The following PRMT2 variants were observed in gnomAD, a reference collection of about 807,000 sequenced individuals.
PRMT2 encodes the protein protein arginine N-methyltransferase 2.
A neutral mutation model predicts 57.6 loss-of-function variants in PRMT2; 26 were observed. That is an observed-to-expected ratio of 0.45 (90% CI 0.33 to 0.63). The LOEUF is 0.63. Among genes scored for constraint, PRMT2 ranks in the 20% least tolerant of loss-of-function variants. The pLI is 0.02. For missense variants in PRMT2, 472 were observed against 564.4 expected, an observed-to-expected ratio of 0.84 and a Z score of 1.66; for synonymous variants, 219 against 220.0, an observed-to-expected ratio of 1.00 and a Z score of 0.04.
At chr21:46,656,439 T>C (rs764518830) in intron 7 of PRMT2, among the ~76,000 whole-genome samples, 1 of 152,218 alleles carries the variant, frequency 6.6e-6, no homozygotes, top group Admixed American at 6.5e-5. Flanking sequence ...GGAGGAACTA[T>C]ACTACTTGAT....
At chr21:46,641,805 G>A (rs558130182) in intron 3 of PRMT2, among the ~76,000 whole-genome samples, 3 of 151,960 alleles carry the variant, frequency 2.0e-5, no homozygotes, top group Admixed American at 6.6e-5. Context: ...GTGGAAGGCC[G>A]CACACCGGGG....
chr21:46,644,367 G>T lies in PRMT2; in HGVS notation c.206G>T (p.Trp69Leu). 1 of 1,612,938 alleles carries T rather than the reference G, an allele frequency of 6.2e-7. No homozygotes were observed. The highest frequency in any genetic ancestry group is 8.5e-7 in the Non-Finnish European group (1 of 1,179,548). Reference sequence around the variant, plus strand: ...AGACAAACCACTGCAGATTGGTGGTGGGGTGAGCGTGCGGGCTGCTGTGGG... The same window carrying T: ...AGACAAACCACTGCAGATTGGTGGTTGGGTGAGCGTGCGGGCTGCTGTGGG... ...ILRQTTADWW[W>L]GERAGCCGYI... is the part of the protein sequence containing the mutation. Residue 69 changes from tryptophan (W) to leucine (L), a missense_variant, in exon 5 of 12, where the codon TGG becomes TTG. Trp to Leu is a moderately conservative substitution (Grantham distance 61, BLOSUM62 -2). Coordinates refer to ENST00000355680, the MANE Select transcript of PRMT2 (RefSeq NM_206962.4).
At chr21:46,641,133 A>AAAT (rs2061266404) in intron 3 of PRMT2, among the ~76,000 whole-genome samples, 1 of 150,990 alleles carries the variant, frequency 6.6e-6, no homozygotes, top group East Asian at 2.0e-4. Flanking sequence ...CAAAAAAAAA[A>AAAT]AAAAAAAGCG....
At position 46,649,955 on chromosome 21, in the gene PRMT2, G is replaced by C; in HGVS notation, c.654+216G>C. The C allele has an allele frequency of 6.9e-7, 1 of 1,445,220 alleles. No homozygotes were observed. The highest frequency in any genetic ancestry group is 9.1e-7 in the Non-Finnish European group (1 of 1,098,320). The allele number at this position is 1,445,220 out of a possible 1,614,324, so 89.5% of individuals were successfully genotyped here. A position where few individuals can be genotyped will look rare whatever the true frequency, so the allele number is the denominator to read the frequency against. ...GCCTTTATGAGAAATTTAAGTCAAA[G>C]TTCATGTAACATTTTCATGAGTGAT... On this transcript the variant is annotated intron_variant, in intron 7 of 11. Coordinates refer to ENST00000355680, the MANE Select transcript of PRMT2 (RefSeq NM_206962.4). This position sits in a 1 kb window ranked among gnomAD's most constrained non-coding sequence, Gnocchi z 4.8.
chr21:46,660,297 T>G, intron 8 of PRMT2: 1 of 463,480 alleles, frequency 2.2e-6, no homozygotes, highest in Non-Finnish European at 2.8e-6. Flanking sequence ...GTTGAATTTG[T>G]GTAGCAACAG....
intron 7 of PRMT2, chr21:46,652,063 G>A (rs1339860557): frequency 6.2e-7 from 1 of 1,602,498 alleles, no homozygotes; most frequent in Non-Finnish European, 8.5e-7. Flanking sequence ...GTTTAGCATA[G>A]GAGGGGCAGC....
intron 3 of PRMT2, among the ~76,000 whole-genome samples, chr21:46,642,671 G>A (rs1041220718): frequency 1.3e-5 from 2 of 152,206 alleles, no homozygotes; most frequent in African/African-American, 2.4e-5. Flanking sequence ...TTGAACTGGA[G>A]TGTGTGATCT....
intron 11 of PRMT2, among the ~76,000 whole-genome samples, 174 bp downstream of exon 11, chr21:46,663,728 C>T (rs1490265359): frequency 1.3e-5 from 2 of 152,206 alleles, no homozygotes; most frequent in East Asian, 1.9e-4. Flanking sequence ...CATTTCCCAT[C>T]TGACAGCACG....
chr21:46,636,914 A>C lies in PRMT2; in HGVS notation c.-38A>C. 1 of 1,596,790 alleles carries C rather than the reference A, an allele frequency of 6.3e-7. No individual in the cohort carries two copies. Among genetic ancestry groups the C allele is most frequent in the Non-Finnish European group, 8.5e-7 (1 of 1,171,624 alleles). On this transcript the variant is annotated 5_prime_UTR_variant, in exon 3 of 12. Coordinates refer to ENST00000355680, the MANE Select transcript of PRMT2 (RefSeq NM_206962.4). ...AAAGTAGAAATGGAAAAGAAAATGA[A>C]ATAAATCAGCAGTTATGAGGCAGAG... is the stretch of plus-strand genomic sequence containing the variant.
rs1223421268 is a variant in PRMT2, at chr21:46,664,739, G to A, written c.*412G>A. On this transcript the variant is annotated 3_prime_UTR_variant, in exon 12 of 12. Coordinates refer to ENST00000355680, the MANE Select transcript of PRMT2 (RefSeq NM_206962.4). The stretch of plus-strand genomic sequence containing the variant: ...CTATGTTAGTGGTGCCCTTACTGCC[G>A]TCGCTCATCCACTCGTGTGGGACGT... The A allele has an allele frequency of 1.2e-5, 3 of 242,046 alleles. No individual in the cohort carries two copies. The highest frequency in any genetic ancestry group is 2.5e-5 in the Non-Finnish European group (3 of 120,712). 15.0% of individuals were successfully genotyped at this position (242,046 alleles called of 1,614,324 possible).
At chr21:46,644,894 G>T (rs531375488) in intron 5 of PRMT2, among the ~76,000 whole-genome samples, 3 of 152,002 alleles carry the variant, frequency 2.0e-5, no homozygotes, top group African/African-American at 7.3e-5. Context: ...ATGAGATTAT[G>T]TGCGTGCTCC....
At chr21:46,647,971 T>A (rs1273175472) in intron 5 of PRMT2, among the ~76,000 whole-genome samples, 1 of 149,560 alleles carries the variant, frequency 6.7e-6, no homozygotes, top group Admixed American at 6.7e-5. Context: ...CCAGCAGTTC[T>A]TTTTTTTTTA....
intron 7 of PRMT2, chr21:46,651,716 G>A: frequency 7.0e-7 from 1 of 1,430,794 alleles, no homozygotes; most frequent in Non-Finnish European, 9.6e-7. Context: ...ATAGTTGTTG[G>A]GGCACAGGGT....
At chr21:46,645,488 C>T (rs757884886) in intron 5 of PRMT2, among the ~76,000 whole-genome samples, 3 of 152,092 alleles carry the variant, frequency 2.0e-5, no homozygotes, top group Non-Finnish European at 4.4e-5. Flanking sequence ...AAAAGCCCAG[C>T]TTCTAAATAG....
intron 8 of PRMT2, chr21:46,660,060 A>G: frequency 1.0e-6 from 1 of 981,012 alleles, no homozygotes; most frequent in Non-Finnish European, 1.2e-6. Context: ...ATAGTTTCCA[A>G]TTTTTAAATT....
chr21:46,641,743 G>A (rs1290607656), intron 3 of PRMT2, among the ~76,000 whole-genome samples: 1 of 147,990 alleles, frequency 6.8e-6, no homozygotes, highest in Non-Finnish European at 1.5e-5. Flanking sequence ...GTGTGTGTGT[G>A]TGTGTATACG....
At chr21:46,653,967 C>T (rs2061501973) in intron 7 of PRMT2, 7 of 1,005,346 alleles carry the variant, frequency 7.0e-6, no homozygotes, top group African/African-American at 5.3e-5. Flanking sequence ...GGAGCATTTC[C>T]GAACTTTCAC....
rs752228125 is a variant in PRMT2 at position 46,661,928 on chromosome 21, C to T, written c.1089C>T (p.Pro363=). 3 of 1,295,244 alleles carry T rather than the reference C, an allele frequency of 2.3e-6. No homozygotes were observed. The highest frequency in any genetic ancestry group is 2.0e-6 in the Non-Finnish European group (2 of 999,190). 80.2% of individuals were successfully genotyped at this position (1,295,244 alleles called of 1,614,324 possible). A position where few individuals can be genotyped will look rare whatever the true frequency, so the allele number is the denominator to read the frequency against. Residue 363 remains proline, a synonymous_variant, in exon 10 of 12, where the codon CCC becomes CCT. Coordinates refer to ENST00000355680, the MANE Select transcript of PRMT2 (RefSeq NM_206962.4). ...CGCCGCAGGTGCTCAGCACCGGGCC[C>T]TTCCACCCGTGAGTGTGCGGGGCGC... ...GQPPQVLSTG[P]FHPTTHWKQT...
intron 7 of PRMT2, chr21:46,653,025 G>T: frequency 8.7e-7 from 1 of 1,146,178 alleles, no homozygotes; most frequent in Non-Finnish European, 1.1e-6. Flanking sequence ...AGAATTAAAA[G>T]ACTGCCAGAC....
Sources: gnomAD v4.1 joint callset for allele counts (sites outside exome capture counted in the v4.1 genomes callset) on GRCh38, gnomAD v4.1.1 for gene constraint, Gnocchi (gnomAD v3.1) non-coding constraint, MANE v1.5 for transcripts, NCBI Gene and HGNC (gene_info 2026-07-23, HGNC 2026-07-21) for gene names.